The following HEPACAM2 variants were observed in gnomAD, a reference collection of about 807,000 sequenced individuals.
HEPACAM2 encodes HEPACAM family member 2, also known as mitotic kinetics regulator.
A neutral mutation model predicts 49.6 loss-of-function variants in HEPACAM2; 49 were observed. That is an observed-to-expected ratio of 0.99 (90% CI 0.78 to 1.25). The LOEUF (loss-of-function observed/expected upper bound fraction) is 1.25, where lower values mean the gene tolerates loss of function less well. HEPACAM2 is among the 50% of genes most tolerant of loss of function. HEPACAM2 has a pLI of 0.00. For synonymous variants in HEPACAM2, 197 were observed against 202.9 expected, an observed-to-expected ratio of 0.97 and a Z score of 0.25; for missense variants, 525 against 557.2, an observed-to-expected ratio of 0.94 and a Z score of 0.58.
intron 4 of HEPACAM2, among the ~76,000 whole-genome samples, chr7:93,198,395 G>T (rs1374830938): frequency 6.6e-6 from 1 of 152,054 alleles, no homozygotes; most frequent in Non-Finnish European, 1.5e-5. Flanking sequence ...GCTGAGTCTT[G>T]CCCAAGGTCA....
intron 4 of HEPACAM2, among the ~76,000 whole-genome samples, chr7:93,202,715 T>A (rs1793926823): frequency 6.6e-6 from 1 of 152,164 alleles, no homozygotes; most frequent in Non-Finnish European, 1.5e-5. Flanking sequence ...GGCTGTTTTT[T>A]CCCTCTTAAA....
In HEPACAM2 at chr7:93,226,420, G is replaced by C. The variant is rs1794542882; in HGVS notation, c.27C>G (p.Pro9=). The C allele has an allele frequency of 6.2e-7, 1 of 1,613,602 alleles. No homozygotes were observed. The highest frequency in any genetic ancestry group is 8.5e-7 in the Non-Finnish European group (1 of 1,179,666). The change falls in exon 1 of 10, where the codon CCC becomes CCG. Residue 9 remains proline (P), a synonymous_variant. Coordinates refer to ENST00000394468, the MANE Select transcript of HEPACAM2 (RefSeq NM_001039372.4). Reference sequence around the variant, plus strand: ...GAAAGACCCCAAGTGTGTCACCGAAGGGCTCCATGAAAGCATCCTGTCCCA... The same window carrying C: ...GAAAGACCCCAAGTGTGTCACCGAACGGCTCCATGAAAGCATCCTGTCCCA... MGQDAFME[P]FGDTLGVFQC...
At chr7:93,209,975 A>C (rs114633857) in intron 3 of HEPACAM2, among the ~76,000 whole-genome samples, 280 of 152,046 alleles carry the variant, frequency 1.8e-3, no homozygotes, top group African/African-American at 6.5e-3. Flanking sequence ...CTTCTTTATC[A>C]TTAACTACTT....
Position 93,192,299 on chromosome 7 carries a change from T to C in HEPACAM2, c.1340A>G (p.Tyr447Cys). ...GGCAGGGATGTGCTGAATAACTTCA[T>C]ACACTGTACTGTGCAAATCTTGCCC... ...VSGQDLHSTV[Y>C]EVIQHIPAQQ... Residue 447 changes from tyrosine to cysteine, a missense_variant, in exon 9 of 10, where the codon TAT becomes TGT. Tyr to Cys is a radical substitution (Grantham distance 194). Coordinates refer to ENST00000394468, the MANE Select transcript of HEPACAM2 (RefSeq NM_001039372.4). 6.2e-7 allele frequency: 1 copy of C among 1,612,898 alleles called. No individual in the cohort carries two copies. The highest frequency in any genetic ancestry group is 8.5e-7 in the Non-Finnish European group (1 of 1,179,212).
Position 93,208,712 on chromosome 7 carries a change from T to C in HEPACAM2, c.880A>G (p.Lys294Glu). 6.2e-7 allele frequency: 1 copy of C among 1,613,244 alleles called. No homozygotes were observed. The highest frequency in any genetic ancestry group is 8.5e-7 in the Non-Finnish European group (1 of 1,179,482). Residue 294 changes from lysine (K) to glutamate (E), a missense_variant, in exon 4 of 10, where the codon AAG becomes GAG. Coordinates refer to ENST00000394468, the MANE Select transcript of HEPACAM2 (RefSeq NM_001039372.4). ...RRTDNTTYII[K>E]HGPRLEVASE... ...GCAACTTCTAAGCGAGGCCCATGCTTAATGATATATGTAGTATTGTCAGTC... is the reference window on the plus strand; with the variant it reads ...GCAACTTCTAAGCGAGGCCCATGCTCAATGATATATGTAGTATTGTCAGTC...
At chr7:93,195,746 C>T in intron 8 of HEPACAM2, 82 bp downstream of exon 8, 4 of 1,014,162 alleles carry the variant, frequency 3.9e-6, no homozygotes, top group South Asian at 1.3e-5. Flanking sequence ...ACCACACTGC[C>T]CAGTGCTTAA....
intron 1 of HEPACAM2, 179 bp from the exon 2 acceptor site, chr7:93,219,630 G>T (rs1794406327): frequency 1.7e-6 from 2 of 1,194,064 alleles, no homozygotes; most frequent in Non-Finnish European, 2.2e-6. Context: ...GAAACCTTCT[G>T]CACTTAAAAA....
upstream of HEPACAM2, among the ~76,000 whole-genome samples, chr7:93,231,412 T>C (rs953601333): frequency 2.4e-4 from 37 of 152,350 alleles, no homozygotes; most frequent in African/African-American, 7.7e-4. Flanking sequence ...TGCAGTAATC[T>C]TAGGCAAGTT....
At chr7:93,226,327 AC>A (rs1008730614) in intron 1 of HEPACAM2, 40 bp downstream of exon 1, 1 of 1,448,606 alleles carries the variant, frequency 6.9e-7, no homozygotes, top group Non-Finnish European at 9.6e-7. Context: ...AAAAAAAAAA[AC>A]CTAACAAACA....
At chr7:93,222,868 A>G (rs1794476227) in intron 1 of HEPACAM2, among the ~76,000 whole-genome samples, 3 of 152,314 alleles carry the variant, frequency 2.0e-5, no homozygotes, top group Middle Eastern at 3.4e-3. Flanking sequence ...GAGAGGGCCT[A>G]AATAATTTTG....
At chr7:93,204,405 T>C (rs879932699) in intron 4 of HEPACAM2, among the ~76,000 whole-genome samples, 2 of 152,100 alleles carry the variant, frequency 1.3e-5, no homozygotes, top group Non-Finnish European at 1.5e-5. Context: ...ATACATTGCA[T>C]GTCACAATAG....
At chr7:93,194,582 A>G (rs1793637632) in intron 8 of HEPACAM2, among the ~76,000 whole-genome samples, 2 of 152,088 alleles carry the variant, frequency 1.3e-5, no homozygotes, top group South Asian at 4.1e-4. Flanking sequence ...GGGAGGATGA[A>G]ATCCAATCAG....
At chr7:93,220,236 A>G (rs1325860727) in intron 1 of HEPACAM2, among the ~76,000 whole-genome samples, 1 of 152,160 alleles carries the variant, frequency 6.6e-6, no homozygotes, top group African/African-American at 2.4e-5. Flanking sequence ...GTTTTATTAG[A>G]CCTAGTCTAG....
At chr7:93,194,792 C>T (rs1793645723) in intron 8 of HEPACAM2, among the ~76,000 whole-genome samples, 1 of 152,038 alleles carries the variant, frequency 6.6e-6, no homozygotes, top group Admixed American at 6.6e-5. Context: ...CTCAAATGGA[C>T]TCTCATAGCA....
At chr7:93,224,510 T>C (rs1794506141) in intron 1 of HEPACAM2, among the ~76,000 whole-genome samples, 1 of 152,132 alleles carries the variant, frequency 6.6e-6, no homozygotes, top group African/African-American at 2.4e-5. Context: ...ATACTAATCA[T>C]AATCTGACAT....
chr7:93,226,219 T>G, intron 1 of HEPACAM2, 149 bp downstream of exon 1: 1 of 606,890 alleles, frequency 1.6e-6, no homozygotes, highest in Non-Finnish European at 2.9e-6. Context: ...GCTTCTTTGC[T>G]GTAACAGTGT....
chr7:93,205,353 C>G (rs890577481), intron 4 of HEPACAM2, among the ~76,000 whole-genome samples: 5 of 152,072 alleles, frequency 3.3e-5, no homozygotes, highest in African/African-American at 1.2e-4. Context: ...CCCAATAAAA[C>G]TTGATTATTT....
chr7:93,217,000 A>T (rs1346671662), intron 2 of HEPACAM2, among the ~76,000 whole-genome samples: 1 of 152,212 alleles, frequency 6.6e-6, no homozygotes, highest in Non-Finnish European at 1.5e-5. Flanking sequence ...TCGAAAGGTA[A>T]CTTATGGGGG....
chr7:93,223,900 G>A (rs1448595157), intron 1 of HEPACAM2, among the ~76,000 whole-genome samples: 1 of 152,088 alleles, frequency 6.6e-6, no homozygotes, highest in South Asian at 2.1e-4. Context: ...ATAATTGAAT[G>A]CTTCCTCCAC....
Sources: gnomAD v4.1 joint callset for allele counts (sites outside exome capture counted in the v4.1 genomes callset) on GRCh38, gnomAD v4.1.1 for gene constraint, MANE v1.5 for transcripts, NCBI Gene and HGNC (gene_info 2026-07-23, HGNC 2026-07-21) for gene names.